MTPAP: variants seen among roughly 807,000 people sequenced by gnomAD.
MTPAP encodes the protein poly(A) RNA polymerase, mitochondrial.
Under a neutral mutation model 48.7 loss-of-function variants are expected in MTPAP, and 23 were observed. The ratio of observed to expected loss-of-function variants is 0.47; its 90% CI spans 0.34 to 0.67. The LOEUF (loss-of-function observed/expected upper bound fraction) is 0.67. Among genes scored for constraint, MTPAP ranks in the 30% least tolerant of loss-of-function variants. MTPAP has a pLI of 0.01. For missense variants in MTPAP, 614 were observed against 694.3 expected, an observed-to-expected ratio of 0.88 and a Z score of 1.30; for synonymous variants, 257 against 254.1, an observed-to-expected ratio of 1.01 and a Z score of -0.11.
chr10:30,336,823 T>C lies in MTPAP; in HGVS notation c.760A>G (p.Arg254Gly), dbSNP rs758030028. 6.2e-7 allele frequency: 1 copy of C among 1,610,632 alleles called. No individual in the cohort carries two copies. Among genetic ancestry groups the C allele is most frequent in the Admixed American group, 1.7e-5 (1 of 60,026 alleles). Residue 254 changes from arginine (R) to glycine (G), a missense_variant, in exon 4 of 9, where the codon AGA (arginine) becomes GGA (glycine). Arg to Gly is a moderately radical substitution (Grantham distance 125). Coordinates refer to ENST00000263063, the MANE Select transcript of MTPAP (RefSeq NM_018109.4). ...CTTACCTTGTGAGCGCTGAGGTTTC[T>C]GGTTTCATCTAGATCCAAAAACATG... ...LDMFLDLDETRNLSAHKISGN... is the reference protein window; with the variant it reads ...LDMFLDLDETGNLSAHKISGN...
chr10:30,332,864 G>A (rs1238011676), intron 4 of MTPAP, among the ~76,000 whole-genome samples: 1 of 151,754 alleles, frequency 6.6e-6, no homozygotes, highest in Non-Finnish European at 1.5e-5. Flanking sequence ...GCTCATGCCT[G>A]TAATCCCAGC....
intron 1 of MTPAP, 106 bp from the exon 2 acceptor site, chr10:30,341,746 C>T: frequency 1.7e-6 from 2 of 1,164,850 alleles, no homozygotes; most frequent in South Asian, 1.2e-5. Context: ...ACCAACTTCA[C>T]CTAATCTATT....
intron 5 of MTPAP, among the ~76,000 whole-genome samples, chr10:30,326,121 A>T (rs758053726): frequency 7.9e-5 from 12 of 152,186 alleles, no homozygotes; most frequent in Non-Finnish European, 1.3e-4. Flanking sequence ...CCTAAAAAAT[A>T]GGCATCTTTC....
chr10:30,334,912 G>A (rs1213529476), intron 4 of MTPAP, among the ~76,000 whole-genome samples: 1 of 152,192 alleles, frequency 6.6e-6, no homozygotes, highest in Non-Finnish European at 1.5e-5. Flanking sequence ...TAATCTAAGT[G>A]AGAGTTTATA....
intron 1 of MTPAP, among the ~76,000 whole-genome samples, chr10:30,344,200 C>T (rs1246382521): frequency 6.6e-6 from 1 of 152,068 alleles, no homozygotes; most frequent in African/African-American, 2.4e-5. Context: ...TCACTTATAC[C>T]ATTTCTTTCT....
chr10:30,318,056 A>C (rs567351363), intron 6 of MTPAP, among the ~76,000 whole-genome samples: 22 of 152,200 alleles, frequency 1.4e-4, no homozygotes, highest in African/African-American at 5.3e-4. Flanking sequence ...ACAGGGTTTC[A>C]CTATATTGGC....
At position 30,318,073 on chromosome 10, in the gene MTPAP, G is replaced by A. The variant is rs531593562; in HGVS notation, c.1220-1863C>T. The stretch of plus-strand genomic sequence containing the variant: ...AGGGTTTCACTATATTGGCCAGGCT[G>A]GTCTCAAACTCCTGACCTTAAGTGA... On this transcript the variant is annotated intron_variant, in intron 6 of 8. Transcript: ENST00000263063. Among the ~76,000 whole-genome samples, 3 of 152,184 alleles carry A rather than the reference G, an allele frequency of 2.0e-5. No homozygotes were observed. The South Asian group carries it at 6.2e-4, about 32-fold the overall frequency.
At chr10:30,342,665 G>C (rs1023237711) in intron 1 of MTPAP, among the ~76,000 whole-genome samples, 1 of 152,126 alleles carries the variant, frequency 6.6e-6, no homozygotes, top group Non-Finnish European at 1.5e-5. Context: ...ACAAGCCTGA[G>C]TGTAATGAGA....
intron 1 of MTPAP, among the ~76,000 whole-genome samples, chr10:30,345,395 T>C (rs896866722): frequency 6.6e-6 from 1 of 152,256 alleles, no homozygotes; most frequent in Non-Finnish European, 1.5e-5. Context: ...CTGTATGCAA[T>C]GTCTTTGCAC....
intron 1 of MTPAP, among the ~76,000 whole-genome samples, chr10:30,346,727 C>A (rs1834877112): frequency 6.6e-6 from 1 of 152,168 alleles, no homozygotes; most frequent in African/African-American, 2.4e-5. Flanking sequence ...ACAGCACACC[C>A]CTGCTAGTAA....
At position 30,326,013 on chromosome 10, in the gene MTPAP, G is replaced by A. The variant is rs1588715197; in HGVS notation, c.992+411C>T. Among the ~76,000 whole-genome samples the A allele has an allele frequency of 7.2e-5, 11 of 152,104 alleles. 4 individuals carry two copies. The highest frequency in any genetic ancestry group is 7.2e-4 in the Admixed American group (11 of 15,266). The stretch of plus-strand genomic sequence containing the variant: ...CAATTCAAAGGTCAACTTCAAGTTG[G>A]TATTTTATTTTCTAAGTATTCTTAG... On this transcript the variant is annotated intron_variant, in intron 5 of 8. Transcript: ENST00000263063.
intron 4 of MTPAP, among the ~76,000 whole-genome samples, chr10:30,327,953 T>C (rs886184370): frequency 2.6e-5 from 4 of 152,114 alleles, no homozygotes; most frequent in African/African-American, 9.7e-5. Flanking sequence ...TTTACGATCT[T>C]AGAATAGCGA....
chr10:30,340,383 G>A lies in MTPAP; in HGVS notation c.398C>T (p.Thr133Ile), dbSNP rs760144048. 1 of 1,614,164 alleles carries A rather than the reference G, an allele frequency of 6.2e-7. No individual in the cohort carries two copies. The highest frequency in any genetic ancestry group is 1.1e-5 in the South Asian group (1 of 91,076). The change falls in exon 3 of 9, where the codon ACT becomes ATT. Residue 133 changes from threonine to isoleucine, a missense_variant. Around this residue, in one of 5 missense-constraint regions of MTPAP, gnomAD observed 114 missense variants for 107.9 expected, o/e 1.06. Transcript: ENST00000263063. ...TGCAGTCTCCATGGCCGTGCTTGGA[G>A]TATGAGTCCCATTCTGCAGTGAACC... Reference protein sequence around the residue: ...SIGSLQNGTHTPSTAMETAIP... With the variant: ...SIGSLQNGTHIPSTAMETAIP...
In MTPAP at chr10:30,312,579, A is replaced by G. The variant is rs1840607922; in HGVS notation, c.*1030T>C. 1.3e-5 allele frequency: 2 copies of G among 151,464 alleles called. No homozygotes were observed. The highest frequency in any genetic ancestry group is 6.6e-5 in the Admixed American group (1 of 15,210). The allele number at this position is 151,464 out of a possible 1,614,324, so 9.4% of individuals were successfully genotyped here. A position where few individuals can be genotyped will look rare whatever the true frequency, so the allele number is the denominator to read the frequency against. On this transcript the variant is annotated 3_prime_UTR_variant, in exon 9 of 9. Transcript: ENST00000263063. ...AGCGAGACTCTGTCTCAAAAAAAAA[A>G]AAAAAAAAAAAAGAAAGAAAGAAAA...
At chr10:30,333,627 C>T (rs570241193) in intron 4 of MTPAP, among the ~76,000 whole-genome samples, 2 of 152,120 alleles carry the variant, frequency 1.3e-5, no homozygotes, top group African/African-American at 2.4e-5. Flanking sequence ...TGATCCAGGC[C>T]GGATGCGGTG....
At chr10:30,330,435 G>C (rs1588716905) in intron 4 of MTPAP, among the ~76,000 whole-genome samples, 1 of 152,146 alleles carries the variant, frequency 6.6e-6, no homozygotes, top group Non-Finnish European at 1.5e-5. Context: ...CATCAGGGAG[G>C]AGTCATGGTG....
At chr10:30,343,974 A>G (rs1245120988) in intron 1 of MTPAP, among the ~76,000 whole-genome samples, 7 of 152,018 alleles carry the variant, frequency 4.6e-5, no homozygotes, top group African/African-American at 1.5e-4. Flanking sequence ...TGACTCCTAA[A>G]CTAGTCTCAT....
At chr10:30,342,534 G>A (rs1430883849) in intron 1 of MTPAP, among the ~76,000 whole-genome samples, 21 of 81,520 alleles carry the variant, frequency 2.6e-4, no homozygotes, top group Non-Finnish European at 4.4e-4. Context: ...TGCTGAAAAC[G>A]GAGTTCCACA....
In MTPAP at chr10:30,340,373, C is replaced by T. The variant is rs763322864; in HGVS notation, c.408G>A (p.Thr136=). Residue 136 remains threonine (T), a synonymous_variant, in exon 3 of 9, where the codon ACG becomes ACA. Transcript: ENST00000263063. ...SLQNGTHTPS[T]AMETAIPFRS... ...TGAATGGAATTGCAGTCTCCATGGC[C>T]GTGCTTGGAGTATGAGTCCCATTCT... 30 of 1,614,018 alleles carry T rather than the reference C, an allele frequency of 1.9e-5. No homozygotes were observed. The East Asian group carries it at 2.0e-4, about 11-fold the overall frequency.
Sources: allele counts gnomAD v4.1 joint callset (sites outside exome capture counted in the v4.1 genomes callset), GRCh38; gene constraint gnomAD v4.1.1; regional missense constraint gnomAD v4.1.1; transcripts MANE v1.5; gene names NCBI Gene and HGNC (gene_info 2026-07-23, HGNC 2026-07-21).